The following PMFBP1 variants were observed in gnomAD, a reference collection of about 807,000 sequenced individuals.
The protein encoded by PMFBP1 is polyamine modulated factor 1 binding protein 1, also known as polyamine-modulated factor 1-binding protein 1.
A neutral mutation model predicts 137.8 loss-of-function variants in PMFBP1; 131 were observed. The observed-to-expected ratio is 0.95, with a 90% confidence interval of 0.82 to 1.10. The LOEUF (loss-of-function observed/expected upper bound fraction) is 1.10. PMFBP1 is among the 50% of genes least tolerant of loss of function. The pLI is 0.00. For missense variants in PMFBP1, 1,199 were observed against 1,175.4 expected (o/e 1.02, Z -0.29); for synonymous variants, 490 against 450.4 (o/e 1.09, Z -1.11).
the PMFBP1 span, among the ~76,000 whole-genome samples, chr16:72,243,617 A>G: frequency 3.9e-5 from 6 of 152,174 alleles, no homozygotes; most frequent in Admixed American, 3.9e-4. Context: ...TATCCCCAGT[A>G]TCAATAACTC....
At position 72,140,440 on chromosome 16, in the gene PMFBP1, C is replaced by T. The variant is rs781341509; in HGVS notation, c.779G>A (p.Arg260Gln). Residue 260 changes from arginine (R) to glutamine (Q), a missense_variant, in exon 6 of 21, where the codon CGA (arginine) becomes CAA (glutamine). By Grantham distance (43) the Arg-to-Gln change is conservative. Coordinates refer to ENST00000237353, the MANE Select transcript of PMFBP1 (RefSeq NM_031293.3). ...SQQDDLIQEL[R>Q]NKLACSNALV... ...AGCGTTACTGCAGGCCAGCTTATTT[C>T]GAAGTTCTTGAATGAGATCATCCTG... 26 of 1,613,918 alleles carry T rather than the reference C, an allele frequency of 1.6e-5. No individual in the cohort carries two copies. Among genetic ancestry groups the T allele is most frequent in the Admixed American group, 8.3e-5 (5 of 59,996 alleles).
At chr16:72,183,645 G>A in the PMFBP1 span, among the ~76,000 whole-genome samples, 7 of 152,100 alleles carry the variant, frequency 4.6e-5, no homozygotes, top group Admixed American at 1.3e-4. Context: ...CACATTCTCA[G>A]GTTCAGGGGG....
chr16:72,197,450 T>C, the PMFBP1 span, among the ~76,000 whole-genome samples: 5 of 152,198 alleles, frequency 3.3e-5, no homozygotes, highest in Non-Finnish European at 5.9e-5. Flanking sequence ...AGCAGGCATA[T>C]ACACACTTAA....
chr16:72,183,738 T>G, the PMFBP1 span, among the ~76,000 whole-genome samples: 1 of 152,126 alleles, frequency 6.6e-6, no homozygotes, highest in Non-Finnish European at 1.5e-5. Context: ...CTATCTTCTA[T>G]TATACTGGGG....
chr16:72,195,564 T>G, the PMFBP1 span, among the ~76,000 whole-genome samples: 1 of 152,186 alleles, frequency 6.6e-6, no homozygotes, highest in African/African-American at 2.4e-5. Context: ...TTATGTTACT[T>G]TATGGAGAAC....
intron 2 of PMFBP1, among the ~76,000 whole-genome samples, chr16:72,169,574 T>C (rs958100855): frequency 2.6e-5 from 4 of 152,150 alleles, no homozygotes; most frequent in African/African-American, 9.7e-5. Flanking sequence ...TGTATACTTA[T>C]GTAACAAACC....
At chr16:72,217,696 A>G in the PMFBP1 span, among the ~76,000 whole-genome samples, 1 of 152,184 alleles carries the variant, frequency 6.6e-6, no homozygotes, top group Admixed American at 6.5e-5. Context: ...TACTAAAAAT[A>G]CAAAAAATTA....
At chr16:72,229,995 TTTAGTC>T in the PMFBP1 span, among the ~76,000 whole-genome samples, 1 of 152,220 alleles carries the variant, frequency 6.6e-6, no homozygotes, top group Non-Finnish European at 1.5e-5. Flanking sequence ...GGCTGGTGAC[TTTAGTC>T]ACTTTCCATA....
At chr16:72,144,253 C>T (rs1375794581) in intron 5 of PMFBP1, among the ~76,000 whole-genome samples, 1 of 151,814 alleles carries the variant, frequency 6.6e-6, no homozygotes, top group Admixed American at 6.6e-5. Flanking sequence ...CAAATTAGTA[C>T]ATAATTTGAA....
chr16:72,167,826 G>T (rs764157135), intron 2 of PMFBP1, among the ~76,000 whole-genome samples: 1 of 152,228 alleles, frequency 6.6e-6, no homozygotes, highest in Non-Finnish European at 1.5e-5. Context: ...ACACCAGATT[G>T]TTCCCCATGG....
chr16:72,153,000 A>T (rs2042925275), intron 4 of PMFBP1, among the ~76,000 whole-genome samples: 1 of 152,166 alleles, frequency 6.6e-6, no homozygotes, highest in Admixed American at 6.5e-5. Flanking sequence ...ACAGCAACAG[A>T]CCACCTGTCT....
At chr16:72,144,673 A>T (rs1014752864) in intron 5 of PMFBP1, among the ~76,000 whole-genome samples, 10 of 152,238 alleles carry the variant, frequency 6.6e-5, no homozygotes, top group African/African-American at 2.4e-4. Flanking sequence ...TAAAGAAAAT[A>T]TACAATAAAC....
chr16:72,223,353 T>G, the PMFBP1 span, among the ~76,000 whole-genome samples: 1 of 152,216 alleles, frequency 6.6e-6, no homozygotes, highest in Non-Finnish European at 1.5e-5. Context: ...TTAATCTTGT[T>G]TTTAAAAGAC....
At chr16:72,141,125 C>T (rs1169687302) in intron 5 of PMFBP1, among the ~76,000 whole-genome samples, 1 of 151,900 alleles carries the variant, frequency 6.6e-6, no homozygotes, top group Non-Finnish European at 1.5e-5. Flanking sequence ...TTAGTAGAGA[C>T]AGGGTTTCGC....
chr16:72,121,500 C>A (rs1597456857), intron 19 of PMFBP1, among the ~76,000 whole-genome samples: 1 of 152,380 alleles, frequency 6.6e-6, no homozygotes, highest in East Asian at 1.9e-4. Context: ...TAGAATAGGG[C>A]TTTCCACCTG....
At chr16:72,170,683 C>T (rs765142825) in intron 2 of PMFBP1, among the ~76,000 whole-genome samples, 9 of 152,124 alleles carry the variant, frequency 5.9e-5, no homozygotes, top group Non-Finnish European at 1.0e-4. Flanking sequence ...CCTCCTGCCT[C>T]GGCCTCCCAA....
rs777276983 is a variant in PMFBP1 at position 72,150,603 on chromosome 16, C to T, written c.636+5G>A. 1 of 1,612,202 alleles carries T rather than the reference C, an allele frequency of 6.2e-7. No homozygotes were observed. The highest frequency in any genetic ancestry group is 1.3e-5 in the African/African-American group (1 of 74,862). On this transcript the variant is annotated splice_donor_5th_base_variant and intron_variant, in intron 5 of 20. Coordinates refer to ENST00000237353, the MANE Select transcript of PMFBP1 (RefSeq NM_031293.3). ...CTGGATTGAATGGCCTGACTTAAGT[C>T]CTACCTGACCCATGATCCCGCCGAG...
intron 18 of PMFBP1, among the ~76,000 whole-genome samples, 167 bp downstream of exon 18, chr16:72,123,379 G>A (rs779012540): frequency 2.0e-5 from 3 of 152,238 alleles, no homozygotes; most frequent in Non-Finnish European, 4.4e-5. Context: ...CCTGCCTGAA[G>A]GGTTGAGCCC....
chr16:72,238,289 T>A, the PMFBP1 span, among the ~76,000 whole-genome samples: 1 of 152,228 alleles, frequency 6.6e-6, no homozygotes, highest in South Asian at 2.1e-4. Context: ...TGTTCCTTTT[T>A]CTCCACAACC....
Sources: gnomAD v4.1 joint callset for allele counts (sites outside exome capture counted in the v4.1 genomes callset) on GRCh38, gnomAD v4.1.1 for gene constraint, MANE v1.5 for transcripts, NCBI Gene and HGNC (gene_info 2026-07-23, HGNC 2026-07-21) for gene names.